The following EPC1 variants were observed in gnomAD, a reference collection of about 807,000 sequenced individuals.
EPC1 encodes enhancer of polycomb 1.
A neutral mutation model predicts 98.4 loss-of-function variants in EPC1; 12 were observed. The ratio of observed to expected loss-of-function variants is 0.12; its 90% confidence interval spans 0.08 to 0.20. The LOEUF (loss-of-function observed/expected upper bound fraction) is 0.20. EPC1 is among the 10% of genes least tolerant of loss of function. The pLI is 1.00. For missense variants in EPC1, 729 were observed against 990.5 expected, an observed-to-expected ratio of 0.74 and a Z score of 3.54; for synonymous variants, 357 against 363.9, an observed-to-expected ratio of 0.98 and a Z score of 0.21.
chr10:32,288,639 C>T (rs1381481201), intron 6 of EPC1, among the ~76,000 whole-genome samples: 1 of 152,078 alleles, frequency 6.6e-6, no homozygotes, highest in Non-Finnish European at 1.5e-5. Context: ...GCATGAGCTG[C>T]TGCACCCGGC....
intron 13 of EPC1, among the ~76,000 whole-genome samples, chr10:32,270,001 C>T (rs923100183): frequency 7.2e-5 from 11 of 152,284 alleles, no homozygotes; most frequent in Non-Finnish European, 1.3e-4. Flanking sequence ...CTTCCTGAGC[C>T]TATACAAAAA....
intron 1 of EPC1, chr10:32,345,249 G>C (rs976311461): frequency 3.5e-5 from 34 of 985,376 alleles, no homozygotes; most frequent in Non-Finnish European, 4.1e-5. Context: ...GAAAGTCAGT[G>C]CCCAACTAGA....
chr10:32,343,647 T>TA (rs900512743), intron 1 of EPC1, among the ~76,000 whole-genome samples: 6 of 143,812 alleles, frequency 4.2e-5, no homozygotes, highest in Non-Finnish European at 9.2e-5. Context: ...CTACTACAAT[T>TA]AAAAAAATAG....
intron 2 of EPC1, among the ~76,000 whole-genome samples, chr10:32,301,086 CTAT>C (rs1564534305): frequency 3.7e-4 from 56 of 151,106 alleles, no homozygotes; most frequent in African/African-American, 1.3e-3. Context: ...ATCTATCTAT[CTAT>C]CTGCCTGCCT....
intron 2 of EPC1, among the ~76,000 whole-genome samples, chr10:32,295,377 T>TA (rs1020998180): frequency 1.3e-5 from 2 of 152,292 alleles, no homozygotes; most frequent in East Asian, 1.9e-4. Flanking sequence ...CCTGGGGAAG[T>TA]AAAAAAACAT....
At chr10:32,359,253 C>T (rs1839371238) in intron 1 of EPC1, among the ~76,000 whole-genome samples, 1 of 152,142 alleles carries the variant, frequency 6.6e-6, no homozygotes, top group African/African-American at 2.4e-5. Context: ...TTATCACTGT[C>T]TTAAAATGTT....
chr10:32,301,270 A>C (rs1451865655), intron 2 of EPC1, among the ~76,000 whole-genome samples: 2 of 152,208 alleles, frequency 1.3e-5, no homozygotes, highest in Non-Finnish European at 2.9e-5. Flanking sequence ...GTGTCAATGA[A>C]AGAGATAAAA....
At chr10:32,291,418 A>C in intron 5 of EPC1, 96 bp from the exon 6 acceptor site, 1 of 936,060 alleles carries the variant, frequency 1.1e-6, no homozygotes, top group South Asian at 1.9e-5. Context: ...AATTACCACA[A>C]TCAAGCTAAT....
chr10:32,287,708 C>T (rs566488933), intron 6 of EPC1, among the ~76,000 whole-genome samples: 1 of 152,082 alleles, frequency 6.6e-6, no homozygotes, highest in East Asian at 1.9e-4. Flanking sequence ...TCTTCGTATA[C>T]ACAGAAAGCA....
At chr10:32,322,947 A>C (rs1396457474) in intron 1 of EPC1, among the ~76,000 whole-genome samples, 1 of 152,100 alleles carries the variant, frequency 6.6e-6, no homozygotes, top group Non-Finnish European at 1.5e-5. Flanking sequence ...TTTTAAAAAA[A>C]CCATGATTTA....
chr10:32,300,452 G>A (rs1474512748), intron 2 of EPC1, among the ~76,000 whole-genome samples: 1 of 128,858 alleles, frequency 7.8e-6, no homozygotes, highest in African/African-American at 3.0e-5. Flanking sequence ...TTTTTTTCCT[G>A]AGACAGAGTC....
At position 32,268,895 on chromosome 10, in the gene EPC1, T is replaced by G; in HGVS notation, c.*168A>C. On this transcript the variant is annotated 3_prime_UTR_variant, in exon 14 of 14. Coordinates refer to ENST00000319778, the MANE Select transcript of EPC1 (RefSeq NM_001272004.3). ...TTACAGATGTTGATTTTTTTCCTATTAACAGTAAGAAAAGAAAAATTGAAG... is the reference window on the plus strand; with the variant it reads ...TTACAGATGTTGATTTTTTTCCTATGAACAGTAAGAAAAGAAAAATTGAAG... The G allele has an allele frequency of 1.7e-6, 1 of 586,884 alleles. No individual in the cohort carries two copies. The highest frequency in any genetic ancestry group is 3.0e-6 in the Non-Finnish European group (1 of 330,412). The allele number at this position is 586,884 out of a possible 1,614,324, so 36.4% of individuals were successfully genotyped here.
chr10:32,322,111 A>G (rs1329524848), intron 1 of EPC1, among the ~76,000 whole-genome samples: 1 of 149,730 alleles, frequency 6.7e-6, no homozygotes, highest in East Asian at 2.0e-4. Context: ...AGATGAAGTC[A>G]CAAGAAAGCC....
chr10:32,299,616 C>T (rs1434323730), intron 2 of EPC1, among the ~76,000 whole-genome samples: 1 of 151,834 alleles, frequency 6.6e-6, no homozygotes, highest in Non-Finnish European at 1.5e-5. Context: ...ATTTTTTTCT[C>T]CATTGTGATT....
intron 1 of EPC1, among the ~76,000 whole-genome samples, chr10:32,339,521 G>A (rs1250119192): frequency 6.6e-6 from 1 of 152,158 alleles, no homozygotes; most frequent in East Asian, 1.9e-4. Flanking sequence ...CTCCAGCCTG[G>A]GTGACAGAGT....
chr10:32,305,216 T>TG (rs1299586565), intron 2 of EPC1, among the ~76,000 whole-genome samples: 5 of 152,268 alleles, frequency 3.3e-5, no homozygotes, highest in Non-Finnish European at 7.3e-5. Context: ...GATTTGGGGT[T>TG]GGCAAGCTAT....
intron 10 of EPC1, chr10:32,273,919 CA>C (rs1835958764): frequency 6.6e-6 from 1 of 151,770 alleles, no homozygotes; most frequent in Non-Finnish European, 1.5e-5. Flanking sequence ...CCAATTAACC[CA>C]CCTGGAAAAA....
chr10:32,313,953 C>A (rs541992038), intron 1 of EPC1, among the ~76,000 whole-genome samples: 1 of 151,806 alleles, frequency 6.6e-6, no homozygotes, highest in Non-Finnish European at 1.5e-5. Context: ...TGTTTGAAGA[C>A]CACTTACTAT....
chr10:32,364,280 C>T (rs965014909), intron 1 of EPC1, among the ~76,000 whole-genome samples: 6 of 151,776 alleles, frequency 4.0e-5, no homozygotes, highest in South Asian at 4.2e-4. Context: ...GTGATCTGCC[C>T]GCCTCAGCCT....
Sources: allele counts gnomAD v4.1 joint callset (sites outside exome capture counted in the v4.1 genomes callset), GRCh38; gene constraint gnomAD v4.1.1; transcripts MANE v1.5; gene names NCBI Gene and HGNC (gene_info 2026-07-23, HGNC 2026-07-21).